Variants in TSNARE1 observed in about 807,000 individuals in gnomAD.
TSNARE1 encodes t-SNARE domain containing 1.
A neutral mutation model predicts 62.0 loss-of-function variants in TSNARE1; 49 were observed. The ratio of observed to expected loss-of-function variants is 0.79; its 90% confidence interval spans 0.63 to 1.00. TSNARE1 has a LOEUF of 1.00. Among genes scored for constraint, TSNARE1 ranks in the 50% least tolerant of loss-of-function variants. TSNARE1 has a pLI of 0.00. For synonymous variants in TSNARE1, 328 were observed against 294.4 expected (o/e 1.11, Z -1.17); for missense variants, 755 against 700.1 (o/e 1.08, Z -0.88).
intron 12 of TSNARE1, among the ~76,000 whole-genome samples, chr8:142,257,862 G>C (rs774362587): frequency 5.9e-5 from 9 of 152,104 alleles, no homozygotes; most frequent in Non-Finnish European, 1.3e-4. Context: ...CAGCCAGAAA[G>C]TGAGGCACTC....
intron 4 of TSNARE1, among the ~76,000 whole-genome samples, chr8:142,338,802 C>T (rs1405685067): frequency 2.0e-5 from 3 of 152,316 alleles, no homozygotes; most frequent in East Asian, 1.9e-4. Context: ...ATGCTAACCC[C>T]GTCCCACGGC....
At chr8:142,220,844 A>T (rs2129906541) in intron 13 of TSNARE1, among the ~76,000 whole-genome samples, 1 of 152,310 alleles carries the variant, frequency 6.6e-6, no homozygotes, top group Non-Finnish European at 1.5e-5. Context: ...CCTCGGGCTG[A>T]ATACTGTACC....
intron 12 of TSNARE1, among the ~76,000 whole-genome samples, chr8:142,266,991 T>G (rs1169783176): frequency 6.6e-6 from 1 of 152,256 alleles, no homozygotes; most frequent in Non-Finnish European, 1.5e-5. Flanking sequence ...CTAAAAGCCA[T>G]ACTGATATTT....
intron 1 of TSNARE1, among the ~76,000 whole-genome samples, chr8:142,370,399 T>C (rs953259523): frequency 5.9e-5 from 9 of 151,954 alleles, no homozygotes; most frequent in Non-Finnish European, 1.2e-4. Context: ...TGAGACTCCA[T>C]CTCTACAAAA....
intron 12 of TSNARE1, among the ~76,000 whole-genome samples, chr8:142,250,186 C>G (rs1818094036): frequency 6.6e-6 from 1 of 152,214 alleles, no homozygotes; most frequent in South Asian, 2.1e-4. Context: ...GCCACTCACA[C>G]TTCCAGCCAT....
At chr8:142,333,494 G>A (rs1831341211) in intron 4 of TSNARE1, among the ~76,000 whole-genome samples, 1 of 152,210 alleles carries the variant, frequency 6.6e-6, no homozygotes, top group South Asian at 2.1e-4. Flanking sequence ...TGCTAGGGGT[G>A]CCGAGGGGAC....
intron 12 of TSNARE1, among the ~76,000 whole-genome samples, chr8:142,247,262 T>TG (rs1157895885): frequency 2.0e-5 from 3 of 152,168 alleles, no homozygotes; most frequent in Non-Finnish European, 4.4e-5. Context: ...AGCAAAGCTC[T>TG]GGGGGCGCTA....
At chr8:142,214,178 C>T (rs920748747) in intron 13 of TSNARE1, among the ~76,000 whole-genome samples, 9 of 152,170 alleles carry the variant, frequency 5.9e-5, no homozygotes, top group Non-Finnish European at 1.0e-4. Context: ...GTGCGGCCCG[C>T]CTGGCCCTGG....
At chr8:142,220,302 C>T (rs1036558921) in intron 13 of TSNARE1, among the ~76,000 whole-genome samples, 13 of 152,174 alleles carry the variant, frequency 8.5e-5, no homozygotes, top group African/African-American at 1.7e-4. Context: ...AGAGGCCCCA[C>T]GGTGAGGAGG....
rs551938433 is a variant in TSNARE1 at position 142,278,594 on chromosome 8, G to C, written c.1364-3731C>G. ...TGCGGTGGGAGGAGGCACGGAGGCGGCAGGAGGAAGCACGGAGCCAGCATC... is the reference window on the plus strand; with the variant it reads ...TGCGGTGGGAGGAGGCACGGAGGCGCCAGGAGGAAGCACGGAGCCAGCATC... On this transcript the variant is annotated intron_variant, in intron 11 of 13. Transcript: ENST00000524325. The C allele has an allele frequency of 1.5e-4, 145 of 985,352 alleles. No individual in the cohort carries two copies. In the African/African-American group the frequency reaches 2.4e-3, roughly 16 times the overall value. 61.0% of individuals were successfully genotyped at this position (985,352 alleles called of 1,614,324 possible). A position where few individuals can be genotyped will look rare whatever the true frequency, so the allele number is the denominator to read the frequency against.
intron 1 of TSNARE1, among the ~76,000 whole-genome samples, chr8:142,371,667 C>A (rs184243497): frequency 2.0e-5 from 3 of 152,088 alleles, no homozygotes; most frequent in Non-Finnish European, 4.4e-5. Flanking sequence ...GTTTCTGTAT[C>A]GAGGTGGTGG....
At chr8:142,358,873 A>T (rs914570755) in intron 1 of TSNARE1, among the ~76,000 whole-genome samples, 1 of 151,470 alleles carries the variant, frequency 6.6e-6, no homozygotes, top group African/African-American at 2.4e-5. Context: ...ACTTCCCTCC[A>T]GTGTCCGACT....
intron 1 of TSNARE1, among the ~76,000 whole-genome samples, chr8:142,355,977 C>T (rs1374047848): frequency 1.3e-5 from 2 of 152,194 alleles, no homozygotes; most frequent in Non-Finnish European, 2.9e-5. Flanking sequence ...CTGGTTGCTG[C>T]GGATCGCACC....
chr8:142,316,021 C>G (rs1416812898), intron 7 of TSNARE1, among the ~76,000 whole-genome samples: 1 of 152,250 alleles, frequency 6.6e-6, no homozygotes, highest in Admixed American at 6.5e-5. Context: ...CAACTCTGCT[C>G]TCACCCCACA....
At chr8:142,247,561 G>C (rs1817944296) in intron 12 of TSNARE1, 1 of 152,258 alleles carries the variant, frequency 6.6e-6, no homozygotes, top group African/African-American at 2.4e-5. Context: ...AACATGTCTT[G>C]AGTCTCGCCC....
At chr8:142,340,791 C>T (rs1461999506) in intron 4 of TSNARE1, among the ~76,000 whole-genome samples, 1 of 152,196 alleles carries the variant, frequency 6.6e-6, no homozygotes, top group African/African-American at 2.4e-5. Flanking sequence ...CCCAGGGCCA[C>T]ATGACCCAGC....
At chr8:142,280,696 G>A (rs1281333084) in intron 11 of TSNARE1, among the ~76,000 whole-genome samples, 1 of 152,182 alleles carries the variant, frequency 6.6e-6, no homozygotes, top group Admixed American at 6.5e-5. Context: ...GGCACCTGAA[G>A]TGGACAAAGC....
rs1825554688 is a variant in TSNARE1, at chr8:142,300,591, C to A, written c.1185G>T (p.Gly395=). 6.2e-7 allele frequency: 1 copy of A among 1,613,656 alleles called. No individual in the cohort carries two copies. The highest frequency in any genetic ancestry group is 1.3e-5 in the African/African-American group (1 of 75,056). ...ELADDEKVFN[G]SDNMWQGQEQ... ...CCTGGCCCTGCCACATGTTGTCACT[C>A]CCGTTAAAGACCTTCTCATCATCAG... The change falls in exon 10 of 14, where the codon GGG becomes GGT. Residue 395 remains glycine, a synonymous_variant. Coordinates refer to ENST00000524325, the MANE Select transcript of TSNARE1 (RefSeq NM_145003.5).
chr8:142,381,879 T>C (rs1836779041), intron 1 of TSNARE1, among the ~76,000 whole-genome samples: 1 of 152,134 alleles, frequency 6.6e-6, no homozygotes, highest in Non-Finnish European at 1.5e-5. Context: ...GTGCCGCAGC[T>C]CATCCTGCGT....
Sources: gnomAD v4.1 joint callset for allele counts (sites outside exome capture counted in the v4.1 genomes callset) on GRCh38, gnomAD v4.1.1 for gene constraint, MANE v1.5 for transcripts, NCBI Gene and HGNC (gene_info 2026-07-23, HGNC 2026-07-21) for gene names.